Variants in NEXMIF observed in about 807,000 individuals in gnomAD.
NEXMIF encodes the protein neurite extension and migration factor.
Under a neutral mutation model 62.1 loss-of-function variants are expected in NEXMIF, and 8 were observed. The observed-to-expected ratio is 0.13, with a 90% CI of 0.08 to 0.23. The LOEUF (loss-of-function observed/expected upper bound fraction) is 0.23, where lower values mean the gene tolerates loss of function less well. NEXMIF is among the 10% of genes least tolerant of loss of function. The pLI, the probability that NEXMIF is intolerant of heterozygous loss-of-function variation, is 1.00. For missense variants in NEXMIF, 976 were observed against 1,113.3 expected (o/e 0.88, Z 1.75); for synonymous variants, 404 against 416.6 (o/e 0.97, Z 0.37).
chrX:74,905,749 G>A (rs931358731), intron 1 of NEXMIF, among the ~76,000 whole-genome samples: 1 of 110,906 alleles, frequency 9.0e-6, no homozygotes. Flanking sequence ...GTTGGAGGCT[G>A]CAATGAGCCC....
intron 1 of NEXMIF, among the ~76,000 whole-genome samples, chrX:74,895,151 T>C (rs1286014377): frequency 8.9e-6 from 1 of 112,107 alleles, no homozygotes; most frequent in African/African-American, 3.2e-5. Context: ...CAAAAAACAA[T>C]AGCATTTCTA....
At chrX:74,869,910 T>C (rs937785862) in intron 1 of NEXMIF, among the ~76,000 whole-genome samples, 1 of 110,201 alleles carries the variant, frequency 9.1e-6, no homozygotes, top group Non-Finnish European at 1.9e-5. Context: ...AATCTACAGA[T>C]CCAATGCAAT....
rs2147438248 is a variant in NEXMIF at position 74,739,320 on chromosome X, C to T, written c.*85G>A. 1.6e-6 allele frequency: 1 copy of T among 628,789 alleles called. No individual in the cohort carries two copies. Among genetic ancestry groups the T allele is most frequent in the East Asian group, 3.9e-5 (1 of 25,807 alleles). The allele number at this position is 628,789 out of a possible 1,213,427, so 51.8% of individuals were successfully genotyped here. On this transcript the variant is annotated 3_prime_UTR_variant, in exon 4 of 4. Transcript: ENST00000055682. ...AAAGTTTGCTCCAAAGACGTATTCC[C>T]ACAATTTAAAATTCTTTTCTTTAAG...
intron 1 of NEXMIF, among the ~76,000 whole-genome samples, chrX:74,847,553 T>C (rs763110969): frequency 1.4e-4 from 16 of 111,825 alleles, no homozygotes; most frequent in Non-Finnish European, 2.8e-4. Flanking sequence ...AACATCGGTT[T>C]TGTGAAAATA....
intron 1 of NEXMIF, among the ~76,000 whole-genome samples, chrX:74,879,794 C>T (rs1386338490): frequency 8.9e-6 from 1 of 111,992 alleles, no homozygotes; most frequent in African/African-American, 3.2e-5. Flanking sequence ...CTCACTATGA[C>T]TTTCCATAGT....
chrX:74,881,392 G>GCACACACACACACACACA (rs367805528), intron 1 of NEXMIF, among the ~76,000 whole-genome samples: 39 of 88,585 alleles, frequency 4.4e-4, no homozygotes, highest in African/African-American at 1.3e-3. Context: ...ACATACACAT[G>GCACACACACACACACACA]CACACACACA....
At chrX:74,771,102 T>G (rs1245935299) in intron 1 of NEXMIF, among the ~76,000 whole-genome samples, 2 of 112,084 alleles carry the variant, frequency 1.8e-5, no homozygotes, top group African/African-American at 6.5e-5. Flanking sequence ...AAATTGGTTG[T>G]TTTAGTATAT....
chrX:74,829,833 G>A (rs1001295633), intron 1 of NEXMIF, among the ~76,000 whole-genome samples: 4 of 111,343 alleles, frequency 3.6e-5, no homozygotes, highest in African/African-American at 1.3e-4. Context: ...ATTCCTGTTT[G>A]CCATTTATAT....
intron 1 of NEXMIF, among the ~76,000 whole-genome samples, chrX:74,828,533 C>T (rs183506286): frequency 2.7e-4 from 30 of 112,202 alleles, no homozygotes; most frequent in Non-Finnish European, 5.3e-4. Flanking sequence ...ATGTTACCAA[C>T]TTGCTGTGCA....
At position 74,742,103 on chromosome X, in the gene NEXMIF, C is replaced by T; in HGVS notation, c.2454G>A (p.Leu818=). 1 of 1,209,869 alleles carries T rather than the reference C, an allele frequency of 8.3e-7. No individual in the cohort carries two copies. Among genetic ancestry groups the T allele is most frequent in the Non-Finnish European group, 1.1e-6 (1 of 893,819 alleles). The change falls in exon 3 of 4, where the codon TTG becomes TTA. Residue 818 remains leucine (L), a synonymous_variant. Coordinates refer to ENST00000055682, the MANE Select transcript of NEXMIF (RefSeq NM_001008537.3). ...TATTTGACAAGTCAGAAGCATCTAA[C>T]AATGTCTGCAGATACCCTCCCGGGA... ...PVIPGGYLQT[L]LDASDLSNNT...
chrX:74,763,775 T>C (rs2080185409), intron 1 of NEXMIF, among the ~76,000 whole-genome samples: 2 of 111,598 alleles, frequency 1.8e-5, no homozygotes. Context: ...TGTTTGTCTG[T>C]TTTTGGTGTA....
chrX:74,778,857 C>T (rs2080236600), intron 1 of NEXMIF, among the ~76,000 whole-genome samples: 1 of 111,860 alleles, frequency 8.9e-6, no homozygotes, highest in African/African-American at 3.2e-5. Flanking sequence ...GAACCCCTGA[C>T]CTTAAATGAT....
chrX:74,743,396 C>G lies in NEXMIF; in HGVS notation c.1161G>C (p.Glu387Asp), dbSNP rs762881063. ...DKNLDKKKGK[E>D]EGQEDKGVEK... ...CTACACCTTTGTCTTCCTGTCCTTC[C>G]TCTTTGCCTTTCTTCTTGTCCAAGT... The change falls in exon 3 of 4, where the codon GAG becomes GAC. Residue 387 changes from glutamate to aspartate, a missense_variant. This residue lies in a region of NEXMIF where 639 missense variants were observed against 694.5 expected (regional missense o/e 0.92). Transcript: ENST00000055682. 1.3e-5 allele frequency: 16 copies of G among 1,209,489 alleles called. No homozygotes were observed. The Admixed American group carries it at 3.3e-4, about 25-fold the overall frequency.
chrX:74,757,184 C>G (rs2080161946), intron 1 of NEXMIF, among the ~76,000 whole-genome samples: 1 of 112,218 alleles, frequency 8.9e-6, no homozygotes, highest in Non-Finnish European at 1.9e-5. Flanking sequence ...TTCAGTAATA[C>G]TAGAAAAATT....
At chrX:74,794,730 C>T (rs1282602391) in intron 1 of NEXMIF, among the ~76,000 whole-genome samples, 3 of 111,430 alleles carry the variant, frequency 2.7e-5, no homozygotes, top group Non-Finnish European at 5.7e-5. Flanking sequence ...GTGGGAGTGG[C>T]CCGATTTTCC....
intron 1 of NEXMIF, among the ~76,000 whole-genome samples, chrX:74,913,673 T>A (rs2080798066): frequency 9.2e-6 from 1 of 109,052 alleles, no homozygotes; most frequent in South Asian, 3.9e-4. Flanking sequence ...AATGACACCC[T>A]AACTACAAGT....
chrX:74,769,076 T>G (rs1327779216), intron 1 of NEXMIF, among the ~76,000 whole-genome samples: 1 of 110,336 alleles, frequency 9.1e-6, no homozygotes, highest in Non-Finnish European at 1.9e-5. Context: ...TTGAAAATCT[T>G]AAAGAACTGA....
At chrX:74,746,339 G>C (rs2080126071) in intron 1 of NEXMIF, among the ~76,000 whole-genome samples, 1 of 111,874 alleles carries the variant, frequency 8.9e-6, no homozygotes, top group Non-Finnish European at 1.9e-5. Context: ...TGACTACAAA[G>C]AAGATTAGAT....
rs141776597 is a variant in NEXMIF at position 74,742,459 on chromosome X, C to G, written c.2098G>C (p.Val700Leu). The change falls in exon 3 of 4, where the codon GTG becomes CTG. Residue 700 changes from valine to leucine, a missense_variant. Transcript: ENST00000055682. ...TCTGTGTCTTGGGCTTTGACTTTCA[C>G]TGAGTCAGGGCCTGTGATGTCATTT... is the stretch of plus-strand genomic sequence containing the variant. ...HLNDITGPDSVKVKAQDTEFK... is the reference protein window; with the variant it reads ...HLNDITGPDSLKVKAQDTEFK... The G allele has an allele frequency of 5.1e-4, 620 of 1,208,489 alleles. No homozygotes were observed. Among genetic ancestry groups the G allele is most frequent in the Non-Finnish European group, 5.6e-4 (500 of 894,438 alleles).
Sources: gnomAD v4.1 joint callset for allele counts (sites outside exome capture counted in the v4.1 genomes callset) on GRCh38, gnomAD v4.1.1 for gene constraint, gnomAD v4.1.1 regional missense constraint, MANE v1.5 for transcripts, NCBI Gene and HGNC (gene_info 2026-07-23, HGNC 2026-07-21) for gene names.